The following NKAIN3 variants were observed in gnomAD, a reference collection of about 807,000 sequenced individuals.
The protein encoded by NKAIN3 is sodium/potassium-transporting ATPase subunit beta-1-interacting protein 3.
Under a neutral mutation model 30.2 loss-of-function variants are expected in NKAIN3, and 25 were observed. That is an observed-to-expected ratio of 0.83 (90% CI 0.60 to 1.16). The LOEUF is 1.16. Ranked by LOEUF, NKAIN3 falls within the 50% of genes most tolerant of loss-of-function variation. The pLI is 0.00. For missense variants in NKAIN3, 225 were observed against 254.1 expected (o/e 0.89, Z 0.78); for synonymous variants, 91 against 89.6 (o/e 1.02, Z -0.09).
At chr8:62,615,323 G>A (rs1487866438) in intron 3 of NKAIN3, among the ~76,000 whole-genome samples, 7 of 152,090 alleles carry the variant, frequency 4.6e-5, no homozygotes, top group Non-Finnish European at 8.8e-5. Flanking sequence ...CTATCCTGAC[G>A]TGGCTGAGCT....
At chr8:62,696,085 G>A (rs1044938226) in intron 3 of NKAIN3, among the ~76,000 whole-genome samples, 11 of 151,920 alleles carry the variant, frequency 7.2e-5, no homozygotes, top group African/African-American at 2.4e-4. Flanking sequence ...TTGGGGAACT[G>A]AGCTTTTGAT....
rs149420884 is a variant in NKAIN3, at chr8:62,621,149, G to T, written c.273+31355G>T. 7.2e-5 allele frequency among the ~76,000 whole-genome samples: 11 copies of T among 152,236 alleles called. No individual in the cohort carries two copies. In the East Asian group the frequency reaches 9.7e-4, roughly 13 times the overall value. ...ATTAATATTACTGACTGGAAGATTT[G>T]CAGTTAAATTAGTCCATTAATTATA... On this transcript the variant is annotated intron_variant, in intron 3 of 6. Coordinates refer to ENST00000623646, the MANE Select transcript of NKAIN3 (RefSeq NM_001304533.3).
chr8:62,664,102 T>G (rs1813026288), intron 3 of NKAIN3, among the ~76,000 whole-genome samples: 1 of 152,060 alleles, frequency 6.6e-6, no homozygotes, highest in African/African-American at 2.4e-5. Flanking sequence ...ACACCTCTAT[T>G]TCCTGGTAGA....
chr8:62,769,654 C>T (rs2130633325), intron 4 of NKAIN3, among the ~76,000 whole-genome samples: 1 of 152,300 alleles, frequency 6.6e-6, no homozygotes, highest in East Asian at 1.9e-4. Context: ...ACTCATTTTG[C>T]TTATTCCTTC....
intron 1 of NKAIN3, among the ~76,000 whole-genome samples, chr8:62,420,878 T>G (rs1804616670): frequency 6.6e-6 from 1 of 152,226 alleles, no homozygotes. Context: ...AATATGGTTT[T>G]GGGTAATAAC....
chr8:62,310,553 T>A (rs1488811502), intron 1 of NKAIN3, among the ~76,000 whole-genome samples: 1 of 150,590 alleles, frequency 6.6e-6, no homozygotes, highest in African/African-American at 2.5e-5. Flanking sequence ...TACATGGGAC[T>A]TTTTCCTTAA....
At chr8:62,657,596 T>C (rs1812798608) in intron 3 of NKAIN3, among the ~76,000 whole-genome samples, 1 of 152,212 alleles carries the variant, frequency 6.6e-6, no homozygotes, top group African/African-American at 2.4e-5. Context: ...AATCTCTTAG[T>C]GTCAGAAAGG....
At chr8:62,299,259 T>A (rs1813954448) in intron 1 of NKAIN3, among the ~76,000 whole-genome samples, 1 of 152,116 alleles carries the variant, frequency 6.6e-6, no homozygotes, top group African/African-American at 2.4e-5. Flanking sequence ...AAAAACCTCC[T>A]CTCCCCCACA....
intron 1 of NKAIN3, among the ~76,000 whole-genome samples, chr8:62,313,910 A>C (rs1311790269): frequency 1.3e-5 from 2 of 152,150 alleles, no homozygotes; most frequent in Non-Finnish European, 2.9e-5. Flanking sequence ...AAAACACCGG[A>C]GACATTGCTA....
intron 3 of NKAIN3, among the ~76,000 whole-genome samples, chr8:62,704,289 CA>C (rs1688679142): frequency 6.6e-6 from 1 of 152,056 alleles, no homozygotes; most frequent in Non-Finnish European, 1.5e-5. Flanking sequence ...CCTAAAAGAT[CA>C]TTTTTTTCTG....
chr8:62,299,447 C>A (rs1243190574), intron 1 of NKAIN3, among the ~76,000 whole-genome samples: 1 of 152,094 alleles, frequency 6.6e-6, no homozygotes, highest in Non-Finnish European at 1.5e-5. Context: ...TCCCTGTTCA[C>A]ACAGGTTGGA....
At chr8:62,808,961 A>T (rs1964549) in intron 4 of NKAIN3, among the ~76,000 whole-genome samples, 3 of 152,086 alleles carry the variant, frequency 2.0e-5, no homozygotes, top group African/African-American at 7.2e-5. Context: ...CTTATCTGCA[A>T]CTGTATAAGA....
intron 3 of NKAIN3, among the ~76,000 whole-genome samples, chr8:62,625,110 T>G (rs1811752758): frequency 6.6e-6 from 1 of 152,120 alleles, no homozygotes; most frequent in African/African-American, 2.4e-5. Context: ...TGATGCTTAT[T>G]CAACCTCTTC....
chr8:62,351,422 A>G (rs541327215), intron 1 of NKAIN3, among the ~76,000 whole-genome samples: 1 of 149,932 alleles, frequency 6.7e-6, no homozygotes, highest in East Asian at 1.9e-4. Flanking sequence ...TCCTCGGAAT[A>G]TTTTTGATCT....
intron 4 of NKAIN3, among the ~76,000 whole-genome samples, chr8:62,916,921 G>A (rs974400591): frequency 2.0e-5 from 3 of 151,968 alleles, no homozygotes; most frequent in Non-Finnish European, 2.9e-5. Context: ...GGTGCTTTTA[G>A]GGGTTCTTCA....
intron 4 of NKAIN3, among the ~76,000 whole-genome samples, chr8:62,891,237 G>A (rs1821288256): frequency 6.6e-6 from 1 of 152,168 alleles, no homozygotes; most frequent in Non-Finnish European, 1.5e-5. Context: ...AGAAAAAGGT[G>A]GGAGAAACTT....
chr8:62,903,073 A>G (rs998055671), intron 4 of NKAIN3, among the ~76,000 whole-genome samples: 2 of 152,160 alleles, frequency 1.3e-5, no homozygotes, highest in Non-Finnish European at 2.9e-5. Context: ...TCATTTTGAA[A>G]CTGTCTCCAC....
intron 1 of NKAIN3, among the ~76,000 whole-genome samples, chr8:62,354,816 C>A (rs1211435697): frequency 6.6e-6 from 1 of 152,144 alleles, no homozygotes; most frequent in Non-Finnish European, 1.5e-5. Context: ...AGCCCCATTT[C>A]CCACAGGGGA....
chr8:62,909,501 G>C (rs533782964), intron 4 of NKAIN3, among the ~76,000 whole-genome samples: 5 of 152,220 alleles, frequency 3.3e-5, no homozygotes, highest in African/African-American at 1.2e-4. Flanking sequence ...CTTTGCCTGT[G>C]TTTGTTATTG....
Sources: allele counts gnomAD v4.1 joint callset (sites outside exome capture counted in the v4.1 genomes callset), GRCh38; gene constraint gnomAD v4.1.1; transcripts MANE v1.5; gene names NCBI Gene and HGNC (gene_info 2026-07-23, HGNC 2026-07-21).